The following SLAIN1 variants were observed in gnomAD, a reference collection of about 807,000 sequenced individuals.
The protein encoded by SLAIN1 is SLAIN motif-containing protein 1.
SLAIN1 carries 17 observed loss-of-function variants against 55.4 expected under a neutral mutation model. The observed-to-expected ratio is 0.31, with a 90% CI of 0.21 to 0.46. The LOEUF is 0.46. Ranked by LOEUF, SLAIN1 falls within the 20% of genes least tolerant of loss-of-function variation. The probability of loss-of-function intolerance (pLI) is 1.00; values close to 1 mark genes in which losing one functional copy is unlikely to be tolerated. For missense variants in SLAIN1, 682 were observed against 785.1 expected (o/e 0.87, Z 1.57); for synonymous variants, 348 against 337.4 (o/e 1.03, Z -0.35).
At chr13:77,725,793 G>GT (rs1163462773) in intron 2 of SLAIN1, among the ~76,000 whole-genome samples, 1 of 152,114 alleles carries the variant, frequency 6.6e-6, no homozygotes, top group African/African-American at 2.4e-5. Context: ...AGCCACGGTG[G>GT]TAAGTTAGCC....
chr13:77,742,630 A>C (rs1047420588), intron 2 of SLAIN1: 3 of 152,234 alleles, frequency 2.0e-5, no homozygotes, highest in Non-Finnish European at 4.4e-5. Flanking sequence ...CCTAAAGATT[A>C]GGAAGATTAT....
intron 2 of SLAIN1, chr13:77,741,747 T>TG (rs1265952851): frequency 6.6e-6 from 1 of 150,762 alleles, no homozygotes; most frequent in Non-Finnish European, 1.5e-5. Flanking sequence ...ATCCCACAGT[T>TG]TTTTTTTTTT....
intron 1 of SLAIN1, among the ~76,000 whole-genome samples, chr13:77,712,699 GA>G (rs1438009579): frequency 6.6e-6 from 1 of 152,056 alleles, no homozygotes; most frequent in Non-Finnish European, 1.5e-5. Context: ...CACATAATTA[GA>G]AAAAACTATT....
At chr13:77,732,537 GTCT>G (rs1185088722) in intron 2 of SLAIN1, among the ~76,000 whole-genome samples, 8 of 152,046 alleles carry the variant, frequency 5.3e-5, no homozygotes, top group Middle Eastern at 3.2e-3. Flanking sequence ...TATTAGATCA[GTCT>G]TCTTCTTTGT....
intron 2 of SLAIN1, among the ~76,000 whole-genome samples, chr13:77,723,800 G>A (rs536287683): frequency 1.4e-4 from 21 of 151,878 alleles, no homozygotes; most frequent in African/African-American, 4.1e-4. Context: ...GTAGCCCTCC[G>A]CCCTTGTTTT....
chr13:77,745,376 GT>G (rs747010067), intron 3 of SLAIN1, among the ~76,000 whole-genome samples: 6 of 150,480 alleles, frequency 4.0e-5, no homozygotes, highest in Non-Finnish European at 8.9e-5. Flanking sequence ...GTACAGTTTT[GT>G]TTTTTTTTAA....
chr13:77,755,175 C>G (rs1482519156), intron 5 of SLAIN1, among the ~76,000 whole-genome samples: 1 of 151,914 alleles, frequency 6.6e-6, no homozygotes, highest in Non-Finnish European at 1.5e-5. Flanking sequence ...AAAAATTAGC[C>G]AGGCATAGTG....
In SLAIN1 at chr13:77,698,668, G is replaced by T. The variant is rs2090999105; in HGVS notation, c.626+129G>T. 3 of 1,269,576 alleles carry T rather than the reference G, an allele frequency of 2.4e-6. No individual in the cohort carries two copies. In the African/African-American group the frequency reaches 4.7e-5, roughly 20 times the overall value. The allele number at this position is 1,269,576 out of a possible 1,614,324, so 78.6% of individuals were successfully genotyped here. A position where few individuals can be genotyped will look rare whatever the true frequency, so the allele number is the denominator to read the frequency against. Reference sequence around the variant, plus strand: ...GGTGACTCCCCGCGGCTCCCGGAGGGGCCGACCCAGCAGGTGTTGAGCCAG... The same window carrying T: ...GGTGACTCCCCGCGGCTCCCGGAGGTGCCGACCCAGCAGGTGTTGAGCCAG... On this transcript the variant is annotated intron_variant, in intron 1 of 6. Coordinates refer to ENST00000418532, the MANE Select transcript of SLAIN1 (RefSeq NM_001242868.2). The surrounding 1 kb of genome is among the most constrained non-coding windows in gnomAD (Gnocchi z 4.1).
At chr13:77,702,126 C>T (rs2091037580) in intron 1 of SLAIN1, among the ~76,000 whole-genome samples, 2 of 151,026 alleles carry the variant, frequency 1.3e-5, no homozygotes, top group South Asian at 4.2e-4. Flanking sequence ...CATAGTATTC[C>T]ATGGTGTATA....
At chr13:77,700,456 A>T (rs1320170788) in intron 1 of SLAIN1, among the ~76,000 whole-genome samples, 4 of 152,210 alleles carry the variant, frequency 2.6e-5, no homozygotes, top group Non-Finnish European at 5.9e-5. Context: ...TTAGAATTCC[A>T]GGTGGAAAAA....
chr13:77,733,686 A>G (rs1307112928), intron 2 of SLAIN1, among the ~76,000 whole-genome samples: 1 of 152,174 alleles, frequency 6.6e-6, no homozygotes, highest in East Asian at 1.9e-4. Context: ...TTATGTAAAT[A>G]CACTGACAAA....
chr13:77,725,635 T>A (rs1296387631), intron 2 of SLAIN1, among the ~76,000 whole-genome samples: 1 of 152,200 alleles, frequency 6.6e-6, no homozygotes, highest in Non-Finnish European at 1.5e-5. Flanking sequence ...AAAGTAAAGA[T>A]TAATTCCTTT....
intron 5 of SLAIN1, among the ~76,000 whole-genome samples, chr13:77,760,055 G>A (rs1411627732): frequency 1.3e-5 from 2 of 152,126 alleles, no homozygotes; most frequent in Non-Finnish European, 2.9e-5. Flanking sequence ...GTATGTCCAT[G>A]TTTAACCATG....
rs1379626109 is a variant in SLAIN1 at position 77,750,361 on chromosome 13, A to C, written c.1259-2842A>C. Among the ~76,000 whole-genome samples the C allele has an allele frequency of 4.6e-5, 7 of 152,166 alleles. No individual in the cohort carries two copies. The South Asian group carries it at 1.4e-3, about 31-fold the overall frequency. ...CAATTAATTTTCTCAATAGCATATAATTATGTTCCTGTGCCTCCCTGCTGC... is the reference window on the plus strand; with the variant it reads ...CAATTAATTTTCTCAATAGCATATACTTATGTTCCTGTGCCTCCCTGCTGC... On this transcript the variant is annotated intron_variant, in intron 4 of 6. Coordinates refer to ENST00000418532, the MANE Select transcript of SLAIN1 (RefSeq NM_001242868.2).
chr13:77,745,778 AT>A (rs1275539393), intron 3 of SLAIN1, among the ~76,000 whole-genome samples: 1 of 152,140 alleles, frequency 6.6e-6, no homozygotes, highest in African/African-American at 2.4e-5. Flanking sequence ...GTAAAAGCAA[AT>A]TTAAATACTC....
chr13:77,757,156 C>T (rs576278523), intron 5 of SLAIN1, among the ~76,000 whole-genome samples: 1 of 152,172 alleles, frequency 6.6e-6, no homozygotes, highest in South Asian at 2.1e-4. Context: ...AATCCCTCAC[C>T]CTCTGTATCT....
At chr13:77,725,178 T>G (rs1594267987) in intron 2 of SLAIN1, among the ~76,000 whole-genome samples, 1 of 152,204 alleles carries the variant, frequency 6.6e-6, no homozygotes, top group African/African-American at 2.4e-5. Context: ...ACCTCTTATA[T>G]TCAGGGCATA....
At chr13:77,731,740 G>C (rs1262241784) in intron 2 of SLAIN1, among the ~76,000 whole-genome samples, 1 of 152,080 alleles carries the variant, frequency 6.6e-6, no homozygotes, top group Non-Finnish European at 1.5e-5. Context: ...AACCTTGACA[G>C]TGTAAAAATA....
intron 1 of SLAIN1, among the ~76,000 whole-genome samples, chr13:77,717,956 A>C (rs908183814): frequency 2.0e-5 from 3 of 152,146 alleles, no homozygotes; most frequent in African/African-American, 7.2e-5. Flanking sequence ...AGTTTAGGCT[A>C]TGTTGCAAGG....
Sources: allele counts gnomAD v4.1 joint callset (sites outside exome capture counted in the v4.1 genomes callset), GRCh38; gene constraint gnomAD v4.1.1; non-coding constraint Gnocchi (gnomAD v3.1); transcripts MANE v1.5; gene names NCBI Gene and HGNC (gene_info 2026-07-23, HGNC 2026-07-21).